Variants in DAB1 observed in about 807,000 individuals in gnomAD.
DAB1 encodes the protein disabled homolog 1.
DAB1 carries 15 observed loss-of-function variants against 64.6 expected under a neutral mutation model. The ratio of observed to expected loss-of-function variants is 0.23; its 90% confidence interval spans 0.16 to 0.36. DAB1 has a LOEUF of 0.36. Ranked by LOEUF, DAB1 falls within the 10% of genes least tolerant of loss-of-function variation. The probability of loss-of-function intolerance (pLI) is 1.00; values close to 1 mark genes in which losing one functional copy is unlikely to be tolerated. For missense variants in DAB1, 596 were observed against 706.7 expected, an observed-to-expected ratio of 0.84 and a Z score of 1.78; for synonymous variants, 235 against 251.9, an observed-to-expected ratio of 0.93 and a Z score of 0.64.
rs543272228 is a variant in DAB1 at position 57,279,441 on chromosome 1, T to C, written c.67+11523A>G. Among the ~76,000 whole-genome samples the C allele has an allele frequency of 1.2e-4, 19 of 152,366 alleles. 1 individual carries two copies. The South Asian group carries it at 3.7e-3, about 30-fold the overall frequency. ...ATCCAATGTTGGTTGAATCCATGGATGCAGAACCTCAGATATGGAGGGTGG... is the reference window on the plus strand; with the variant it reads ...ATCCAATGTTGGTTGAATCCATGGACGCAGAACCTCAGATATGGAGGGTGG... On this transcript the variant is annotated intron_variant, in intron 2 of 14. Transcript: ENST00000371236.
At chr1:57,237,227 G>A (rs565341032) in intron 2 of DAB1, among the ~76,000 whole-genome samples, 6 of 152,292 alleles carry the variant, frequency 3.9e-5, no homozygotes, top group Non-Finnish European at 5.9e-5. Context: ...TGCCCAGCAT[G>A]GGACCTAACA....
chr1:57,211,450 G>A (rs932121402), intron 2 of DAB1, among the ~76,000 whole-genome samples: 9 of 152,298 alleles, frequency 5.9e-5, no homozygotes, highest in African/African-American at 1.4e-4. Context: ...GATGTATAGG[G>A]AAGAGTATGG....
chr1:58,189,214 T>A (rs1019373787), intron 4 of DAB1, among the ~76,000 whole-genome samples: 1 of 152,212 alleles, frequency 6.6e-6, no homozygotes, highest in Non-Finnish European at 1.5e-5. Flanking sequence ...TTCAACTCTG[T>A]GAATGTTACT....
At chr1:58,540,698 G>A (rs1646592852) in intron 1 of DAB1, among the ~76,000 whole-genome samples, 1 of 146,246 alleles carries the variant, frequency 6.8e-6, no homozygotes, top group African/African-American at 2.5e-5. Context: ...ATGAAATACA[G>A]AGAAAAAATA....
intron 7 of DAB1, among the ~76,000 whole-genome samples, chr1:57,646,745 T>C (rs1032843904): frequency 2.0e-5 from 3 of 152,016 alleles, no homozygotes; most frequent in African/African-American, 7.2e-5. Flanking sequence ...CGAGACCCCA[T>C]CTCAAAAAAC....
At chr1:57,084,939 A>G (rs1652920513) in intron 4 of DAB1, among the ~76,000 whole-genome samples, 1 of 152,126 alleles carries the variant, frequency 6.6e-6, no homozygotes, top group African/African-American at 2.4e-5. Flanking sequence ...TGGCCCCATG[A>G]TTTGTTAGGC....
chr1:57,483,216 T>C (rs886786596), intron 7 of DAB1, among the ~76,000 whole-genome samples: 2 of 152,202 alleles, frequency 1.3e-5, no homozygotes, highest in Non-Finnish European at 2.9e-5. Context: ...ATAGTTAATT[T>C]ACTGATATGG....
At position 57,449,764 on chromosome 1, in the gene DAB1, A is replaced by G. The variant is rs150051164; in HGVS notation, n.626-158598T>C. On this transcript the variant is annotated intron_variant and non_coding_transcript_variant, in intron 7 of 20. Transcript: ENST00000485760. ...TGGTATCTTTAGACATTATTTTCCA[A>G]TCCTACCAAAGGCTGGAAAACTCTT... Among the ~76,000 whole-genome samples the G allele has an allele frequency of 2.1e-4, 32 of 152,218 alleles. 1 individual carries two copies. The highest frequency in any genetic ancestry group is 7.2e-4 in the African/African-American group (30 of 41,544).
At chr1:57,878,232 G>A (rs1000125376) in intron 1 of DAB1, 1 of 152,120 alleles carries the variant, frequency 6.6e-6, no homozygotes, top group Admixed American at 6.5e-5. Context: ...TTTGCCTTTT[G>A]TCAACATTGC....
At chr1:58,183,448 A>C (rs1231519914) in intron 4 of DAB1, among the ~76,000 whole-genome samples, 1 of 151,102 alleles carries the variant, frequency 6.6e-6, no homozygotes, top group Non-Finnish European at 1.5e-5. Flanking sequence ...ATCAAGGTAC[A>C]CAATGGCTAT....
intron 7 of DAB1, among the ~76,000 whole-genome samples, chr1:57,479,034 T>C (rs779335139): frequency 2.0e-5 from 3 of 152,170 alleles, no homozygotes; most frequent in South Asian, 2.1e-4. Flanking sequence ...TTAATTCAGA[T>C]TGTACTTGTT....
At chr1:57,297,044 C>T (rs1408211689) in intron 1 of DAB1, among the ~76,000 whole-genome samples, 1 of 152,130 alleles carries the variant, frequency 6.6e-6, no homozygotes, top group African/African-American at 2.4e-5. Context: ...GCATGTGATA[C>T]CCTGAGCAGA....
chr1:58,346,156 C>G (rs1184405300), intron 3 of DAB1, among the ~76,000 whole-genome samples: 1 of 152,246 alleles, frequency 6.6e-6, no homozygotes, highest in Non-Finnish European at 1.5e-5. Flanking sequence ...CCGGCCCATA[C>G]AGACACTAAA....
At chr1:58,395,193 C>A (rs1644509664) in intron 3 of DAB1, among the ~76,000 whole-genome samples, 1 of 152,096 alleles carries the variant, frequency 6.6e-6, no homozygotes, top group Admixed American at 6.6e-5. Flanking sequence ...GTGAGCGCCA[C>A]TACTAAGACT....
At chr1:57,553,456 G>GAAAGAAAGAAAGAA (rs1644945864) in intron 7 of DAB1, among the ~76,000 whole-genome samples, 3 of 132,824 alleles carry the variant, frequency 2.3e-5, no homozygotes, top group South Asian at 2.7e-4. Flanking sequence ...AAGAAAGAAA[G>GAAAGAAAGAAAGAA]AAAGAGAAAG....
chr1:57,592,308 C>T (rs1645454583), intron 7 of DAB1, among the ~76,000 whole-genome samples: 1 of 152,156 alleles, frequency 6.6e-6, no homozygotes, highest in Non-Finnish European at 1.5e-5. Context: ...ACAAATGAAG[C>T]CACCAGGTCT....
At chr1:57,011,332 C>A in intron 12 of DAB1, 60 bp from the exon 13 acceptor site, 1 of 1,581,624 alleles carries the variant, frequency 6.3e-7, no homozygotes, top group Non-Finnish European at 8.6e-7. Context: ...GAATGTATCC[C>A]AAAGAAACCT....
At chr1:57,784,088 C>A (rs965674280) in intron 6 of DAB1, among the ~76,000 whole-genome samples, 13 of 152,294 alleles carry the variant, frequency 8.5e-5, no homozygotes, top group African/African-American at 2.9e-4. Context: ...GAGAGAAGTA[C>A]AGCTTATTAG....
intron 5 of DAB1, among the ~76,000 whole-genome samples, chr1:58,137,610 C>A (rs1654021128): frequency 6.6e-6 from 1 of 152,126 alleles, no homozygotes; most frequent in Admixed American, 6.5e-5. Context: ...TCCATCCATC[C>A]CCCATTTATT....
Sources: gnomAD v4.1 joint callset for allele counts (sites outside exome capture counted in the v4.1 genomes callset) on GRCh38, gnomAD v4.1.1 for gene constraint, MANE v1.5 for transcripts, NCBI Gene and HGNC (gene_info 2026-07-23, HGNC 2026-07-21) for gene names.